Variants in TMEM266 observed in about 807,000 individuals in gnomAD.
TMEM266 encodes the protein Hv1 related protein 1.
In TMEM266, 33 loss-of-function variants were observed where a neutral mutation model predicts 50.5. That is an observed-to-expected ratio of 0.65 (90% CI 0.50 to 0.87). The LOEUF (loss-of-function observed/expected upper bound fraction) is 0.87. Ranked by LOEUF, TMEM266 falls within the 40% of genes least tolerant of loss-of-function variation. The pLI, the probability that TMEM266 is intolerant of heterozygous loss-of-function variation, is 0.00. For missense variants in TMEM266, 655 were observed against 695.1 expected, an observed-to-expected ratio of 0.94 and a Z score of 0.65; for synonymous variants, 310 against 292.3, an observed-to-expected ratio of 1.06 and a Z score of -0.62.
chr15:76,076,089 C>T (rs890067344), intron 1 of TMEM266, among the ~76,000 whole-genome samples: 12 of 151,666 alleles, frequency 7.9e-5, no homozygotes, highest in African/African-American at 2.4e-4. Context: ...AACTCCTGGA[C>T]TCAAGTGATC....
At chr15:76,182,888 C>T (rs958702823) in intron 8 of TMEM266, among the ~76,000 whole-genome samples, 1 of 152,056 alleles carries the variant, frequency 6.6e-6, no homozygotes, top group Non-Finnish European at 1.5e-5. Context: ...GTCCATTTCC[C>T]TGCGCCAGAA....
intron 1 of TMEM266, among the ~76,000 whole-genome samples, chr15:76,079,900 C>A (rs189536445): frequency 5.7e-4 from 87 of 151,836 alleles, no homozygotes; most frequent in Non-Finnish European, 9.7e-4. Flanking sequence ...GAAAAGATGC[C>A]AAGACTAGAG....
intron 8 of TMEM266, among the ~76,000 whole-genome samples, chr15:76,181,683 G>C (rs771420104): frequency 1.3e-5 from 2 of 152,100 alleles, no homozygotes; most frequent in African/African-American, 4.8e-5. Context: ...TCAGAGAGAC[G>C]GTGTGGATGC....
intron 1 of TMEM266, among the ~76,000 whole-genome samples, chr15:76,132,308 A>G (rs1184612311): frequency 1.3e-5 from 2 of 151,486 alleles, no homozygotes; most frequent in African/African-American, 4.8e-5. Flanking sequence ...ACAGGGCTTC[A>G]CCGTGTTAGC....
chr15:76,061,815 C>T (rs1255993846), intron 1 of TMEM266, among the ~76,000 whole-genome samples: 1 of 152,232 alleles, frequency 6.6e-6, no homozygotes, highest in Non-Finnish European at 1.5e-5. Context: ...GCATCCCACC[C>T]TACCCTCCTT....
At chr15:76,074,307 C>T (rs1453469491) in intron 1 of TMEM266, among the ~76,000 whole-genome samples, 1 of 151,686 alleles carries the variant, frequency 6.6e-6, no homozygotes, top group African/African-American at 2.4e-5. Flanking sequence ...CAGTTTTAAC[C>T]ATGTTTAAAT....
rs2038803053 is a variant in TMEM266, at chr15:76,204,321, G to A, written c.*6G>A. The stretch of plus-strand genomic sequence containing the variant: ...ACAGGGTCCCTGAGGCCTAGAGCCT[G>A]CCATGGGCTGGGTGAGATGAGGGGA... On this transcript the variant is annotated 3_prime_UTR_variant, in exon 11 of 11. Transcript: ENST00000388942. 4.4e-6 allele frequency: 7 copies of A among 1,589,188 alleles called. No homozygotes were observed. The Admixed American group carries it at 1.0e-4, about 23-fold the overall frequency.
chr15:76,116,525 T>C (rs747686541), intron 1 of TMEM266, among the ~76,000 whole-genome samples: 1 of 151,634 alleles, frequency 6.6e-6, no homozygotes, highest in Non-Finnish European at 1.5e-5. Flanking sequence ...TCCTCACTAA[T>C]GAATCTCTAG....
intron 5 of TMEM266, among the ~76,000 whole-genome samples, chr15:76,169,249 T>C (rs2038148804): frequency 6.6e-6 from 1 of 152,018 alleles, no homozygotes; most frequent in Non-Finnish European, 1.5e-5. Flanking sequence ...CACTCCCAGA[T>C]GCAAGGAGGG....
At chr15:76,106,128 T>G (rs1328135290) in intron 1 of TMEM266, among the ~76,000 whole-genome samples, 1 of 152,128 alleles carries the variant, frequency 6.6e-6, no homozygotes, top group African/African-American at 2.4e-5. Context: ...CTGCACTGTT[T>G]CTGTGTTCCC....
At chr15:76,092,732 A>T (rs919829000) in intron 1 of TMEM266, among the ~76,000 whole-genome samples, 12 of 151,308 alleles carry the variant, frequency 7.9e-5, no homozygotes, top group African/African-American at 2.9e-4. Context: ...CACTGAATCT[A>T]TACTATGTTC....
At chr15:76,076,521 T>A (rs1470056281) in intron 1 of TMEM266, among the ~76,000 whole-genome samples, 2 of 152,084 alleles carry the variant, frequency 1.3e-5, no homozygotes, top group African/African-American at 4.8e-5. Context: ...AACAATATGC[T>A]ATATGACATA....
chr15:76,103,556 G>T (rs1310855495), intron 1 of TMEM266, among the ~76,000 whole-genome samples: 1 of 152,178 alleles, frequency 6.6e-6, no homozygotes, highest in Non-Finnish European at 1.5e-5. Flanking sequence ...AGACATCTAA[G>T]TGGAGATGTC....
At chr15:76,203,522 C>A (rs138402488) in intron 10 of TMEM266, among the ~76,000 whole-genome samples, 1 of 152,332 alleles carries the variant, frequency 6.6e-6, no homozygotes, top group African/African-American at 2.4e-5. Context: ...CACACGCCTA[C>A]ACTTGAGTTT....
At chr15:76,144,224 A>C (rs57628019) in intron 3 of TMEM266, among the ~76,000 whole-genome samples, 65,220 of 151,494 alleles carry the variant, frequency 0.43, 15,513 homozygotes, top group East Asian at 0.62. Context: ...CCATTACCAA[A>C]ATGCCATGTG....
At chr15:76,201,763 T>A (rs950387183) in intron 9 of TMEM266, among the ~76,000 whole-genome samples, 2 of 152,222 alleles carry the variant, frequency 1.3e-5, no homozygotes, top group Admixed American at 1.3e-4. Flanking sequence ...GGATGGCACC[T>A]CAGCCCTGTG....
rs150169127 is a variant in TMEM266, at chr15:76,078,416, C to G, written c.-97+18400C>G. Among the ~76,000 whole-genome samples, 3 of 151,262 alleles carry G rather than the reference C, an allele frequency of 2.0e-5. No homozygotes were observed. The East Asian group carries it at 5.8e-4, about 29-fold the overall frequency. ...AGCTTGATTTTTATTTCTTGTGAGT[C>G]TGATTAGCACGACTTAGCTAATCAT... is the stretch of plus-strand genomic sequence containing the variant. On this transcript the variant is annotated intron_variant, in intron 1 of 10. Transcript: ENST00000388942.
At chr15:76,119,961 A>G (rs1329446044) in intron 1 of TMEM266, among the ~76,000 whole-genome samples, 1 of 152,202 alleles carries the variant, frequency 6.6e-6, no homozygotes. Flanking sequence ...TTGAACTTAA[A>G]TAGTCCACAG....
At position 76,134,180 on chromosome 15, in the gene TMEM266, G is replaced by A; in HGVS notation, c.-84G>A. 1.4e-6 allele frequency: 2 copies of A among 1,471,876 alleles called. No homozygotes were observed. The highest frequency in any genetic ancestry group is 1.9e-6 in the Non-Finnish European group (2 of 1,056,236). The allele number at this position is 1,471,876 out of a possible 1,614,324, so 91.2% of individuals were successfully genotyped here. A position where few individuals can be genotyped will look rare whatever the true frequency, so the allele number is the denominator to read the frequency against. ...TTTTTGTTTTCAGGGCACTATATTTGTATGTGTCTTGTAGAACCCACGCTT... is the reference window on the plus strand; with the variant it reads ...TTTTTGTTTTCAGGGCACTATATTTATATGTGTCTTGTAGAACCCACGCTT... On this transcript the variant is annotated 5_prime_UTR_variant, in exon 2 of 11. Transcript: ENST00000388942.
Sources: gnomAD v4.1 joint callset for allele counts (sites outside exome capture counted in the v4.1 genomes callset) on GRCh38, gnomAD v4.1.1 for gene constraint, MANE v1.5 for transcripts, NCBI Gene and HGNC (gene_info 2026-07-23, HGNC 2026-07-21) for gene names.